CCDC144A: variants seen among roughly 807,000 people sequenced by gnomAD.
CCDC144A encodes coiled-coil domain-containing protein 144A.
Under a neutral mutation model 143.8 loss-of-function variants are expected in CCDC144A, and 41 were observed. The ratio of observed to expected loss-of-function variants is 0.29; its 90% confidence interval spans 0.22 to 0.37. The LOEUF is 0.37. Among genes scored for constraint, CCDC144A ranks in the 10% least tolerant of loss-of-function variants. The pLI is 1.00. For missense variants in CCDC144A, 637 were observed against 1,488.8 expected (o/e 0.43, Z 9.41); for synonymous variants, 242 against 517.9 (o/e 0.47, Z 7.23).
chr17:16,711,021 G>A (rs1300547003), intron 5 of CCDC144A, among the ~76,000 whole-genome samples: 3 of 145,694 alleles, frequency 2.1e-5, no homozygotes, highest in Non-Finnish European at 3.0e-5. Context: ...AATTTGGGAA[G>A]CATCTCATTT....
At position 16,745,610 on chromosome 17, in the gene CCDC144A, A is replaced by T; in HGVS notation, c.3372+9967A>T. ...CTGGGATGCCCTCGCTCGTCCATGG[A>T]GGCCAGGTGCGTGCAGTGACTCACT... On this transcript the variant is annotated intron_variant, in intron 12 of 16. Coordinates refer to ENST00000399273, the MANE Select transcript of CCDC144A (RefSeq NM_001382000.1). 1.9e-6 allele frequency: 3 copies of T among 1,554,748 alleles called. No homozygotes were observed. In the South Asian group the frequency reaches 3.6e-5, roughly 18 times the overall value.
At chr17:16,716,527 C>T (rs2143158887) in intron 6 of CCDC144A, among the ~76,000 whole-genome samples, 1 of 152,116 alleles carries the variant, frequency 6.6e-6, no homozygotes, top group East Asian at 1.9e-4. Context: ...GGGAAATTTA[C>T]CAAATTATTT....
In CCDC144A at chr17:16,708,957, G is replaced by T. The variant is rs2143117129; in HGVS notation, c.900G>T (p.Gln300His). 6.2e-7 allele frequency: 1 copy of T among 1,611,600 alleles called. No homozygotes were observed. Residue 300 changes from glutamine (Q) to histidine (H), a missense_variant, in exon 5 of 17, where the codon CAG becomes CAT. Transcript: ENST00000399273. ...QLKLVINELK[Q>H]RFGEIYEKYK... ...AACTCGTCATAAATGAGTTAAAGCA[G>T]AGGTTTGGTGAAATTTATGAAAAAT...
chr17:16,671,163 A>G, the CCDC144A span, among the ~76,000 whole-genome samples: 1 of 151,668 alleles, frequency 6.6e-6, no homozygotes, highest in East Asian at 1.9e-4. Context: ...TTGTACTTTC[A>G]ATAGAGACAG....
intron 5 of CCDC144A, 66 bp downstream of exon 5, chr17:16,709,701 A>T: frequency 6.6e-7 from 1 of 1,506,930 alleles, no homozygotes; most frequent in South Asian, 1.4e-5. Context: ...CTGATTTTCC[A>T]CTTAGGAAAA....
chr17:16,746,471 A>C (rs1914525431), intron 12 of CCDC144A: 2 of 1,613,300 alleles, frequency 1.2e-6, no homozygotes, highest in South Asian at 2.2e-5. Flanking sequence ...CATCTCCCCC[A>C]GCAGAGTCTC....
chr17:16,692,791 C>T lies in CCDC144A; in HGVS notation c.345-188C>T, dbSNP rs530764237. ...CTATACTCCCTTCAATTCATGAGTA[C>T]TTCATCTTTTTTTCTTCTTCAGAAG... On this transcript the variant is annotated intron_variant, in intron 1 of 16. Coordinates refer to ENST00000399273, the MANE Select transcript of CCDC144A (RefSeq NM_001382000.1). Among the ~76,000 whole-genome samples the T allele has an allele frequency of 1.3e-3, 200 of 151,588 alleles. 1 individual carries two copies. Among genetic ancestry groups the T allele is most frequent in the African/African-American group, 4.7e-3 (194 of 41,348 alleles).
At chr17:16,704,461 T>C (rs2928639) in intron 2 of CCDC144A, among the ~76,000 whole-genome samples, 3 of 144,506 alleles carry the variant, frequency 2.1e-5, no homozygotes, top group Non-Finnish European at 4.6e-5. Context: ...TCTCAAAAAA[T>C]AAAAAAAAAA....
intron 2 of CCDC144A, among the ~76,000 whole-genome samples, chr17:16,699,470 G>A (rs1159643595): frequency 2.6e-5 from 3 of 116,696 alleles, no homozygotes; most frequent in African/African-American, 6.9e-5. Flanking sequence ...CCGCCTCCCG[G>A]GTTCACACCA....
chr17:16,692,498 C>A (rs1187592088), intron 1 of CCDC144A, among the ~76,000 whole-genome samples: 1 of 41,806 alleles, frequency 2.4e-5, no homozygotes, highest in African/African-American at 1.1e-4. Flanking sequence ...GAAAAATACA[C>A]ATTGGGTTTT....
At chr17:16,673,717 A>C in the CCDC144A span, among the ~76,000 whole-genome samples, 18 of 152,246 alleles carry the variant, frequency 1.2e-4, 1 homozygote, top group Admixed American at 1.1e-3. Flanking sequence ...ATTTTATACT[A>C]TCGTTTAATC....
At chr17:16,725,029 T>G (rs1913333045) in intron 8 of CCDC144A, among the ~76,000 whole-genome samples, 1 of 124,676 alleles carries the variant, frequency 8.0e-6, no homozygotes, top group African/African-American at 3.5e-5. Flanking sequence ...TTTTTTTTTT[T>G]TTTTTGTGTG....
rs1430017010 is a variant in CCDC144A, at chr17:16,746,270, TC to T, written c.3372+10628del. ...TCTTCTGTTTATCTGTCTCTCTCTC[TC>T]TTTTTTTTTTTTTTTGCATCTTTCT... On this transcript the variant is annotated intron_variant, in intron 12 of 16. Transcript: ENST00000399273. 2.2e-3 allele frequency: 2,023 copies of T among 933,166 alleles called. 2 individuals carry two copies. Among genetic ancestry groups the T allele is most frequent in the South Asian group, 7.2e-3 (305 of 42,392 alleles). The allele number at this position is 933,166 out of a possible 1,614,324, so 57.8% of individuals were successfully genotyped here.
At chr17:16,722,882 T>A (rs931074031) in intron 8 of CCDC144A, among the ~76,000 whole-genome samples, 1 of 152,124 alleles carries the variant, frequency 6.6e-6, no homozygotes, top group African/African-American at 2.4e-5. Context: ...GTACCAGAAG[T>A]TGTTCACTCA....
chr17:16,751,735 G>T (rs1325729858), intron 12 of CCDC144A, among the ~76,000 whole-genome samples: 2 of 152,232 alleles, frequency 1.3e-5, no homozygotes, highest in African/African-American at 4.8e-5. Flanking sequence ...TCTGCGGGTC[G>T]TCTGTTGATA....
At chr17:16,729,052 C>T (rs955887691) in intron 9 of CCDC144A, among the ~76,000 whole-genome samples, 6 of 152,102 alleles carry the variant, frequency 3.9e-5, no homozygotes, top group Admixed American at 1.3e-4. Flanking sequence ...AATAGACATA[C>T]GTTTGCAGGT....
intron 15 of CCDC144A, chr17:16,766,539 C>T (rs190725343): frequency 2.6e-5 from 4 of 152,662 alleles, no homozygotes; most frequent in East Asian, 3.9e-4. Context: ...GTCAGGAGTT[C>T]GAGACCAACC....
upstream of CCDC144A, among the ~76,000 whole-genome samples, chr17:16,687,357 G>C (rs1203225918): frequency 6.9e-6 from 1 of 144,686 alleles, no homozygotes; most frequent in Non-Finnish European, 1.5e-5. Flanking sequence ...CCCCTCCCCC[G>C]CCGCCCCCCG....
chr17:16,670,709 A>G, the CCDC144A span, among the ~76,000 whole-genome samples: 3 of 151,918 alleles, frequency 2.0e-5, no homozygotes, highest in Admixed American at 1.3e-4. Flanking sequence ...GGGTTTCGCC[A>G]TGGTGTCCAG....
Sources: gnomAD v4.1 joint callset for allele counts (sites outside exome capture counted in the v4.1 genomes callset) on GRCh38, gnomAD v4.1.1 for gene constraint, MANE v1.5 for transcripts, NCBI Gene and HGNC (gene_info 2026-07-23, HGNC 2026-07-21) for gene names.